Variants in CSMD3 observed in about 807,000 individuals in gnomAD.
CSMD3 encodes CUB and Sushi multiple domains 3, also known as CUB and sushi domain-containing protein 3.
CSMD3 carries 177 observed loss-of-function variants against 435.2 expected under a neutral mutation model. That is an observed-to-expected ratio of 0.41 (90% CI 0.36 to 0.46). The LOEUF (loss-of-function observed/expected upper bound fraction) is 0.46. Ranked by LOEUF, CSMD3 falls within the 20% of genes least tolerant of loss-of-function variation. The pLI, the probability that CSMD3 is intolerant of heterozygous loss-of-function variation, is 0.34. For missense variants in CSMD3, 4,265 were observed against 4,504.6 expected (o/e 0.95, Z 1.52); for synonymous variants, 1,656 against 1,520.5 (o/e 1.09, Z -2.07).
intron 24 of CSMD3, among the ~76,000 whole-genome samples, chr8:112,563,519 A>T (rs958326523): frequency 1.3e-5 from 2 of 151,924 alleles, no homozygotes; most frequent in Non-Finnish European, 2.9e-5. Context: ...TCTAGTAAGT[A>T]ATATTAAACG....
Position 112,558,678 on chromosome 8 carries a change from G to A in CSMD3, c.4043-1724C>T, listed in dbSNP as rs921725300. Reference sequence around the variant, plus strand: ...AGAGAGCTGGATAATTGGTCGGTGCGAGGAAGAAACATACATATATGGCGT... The same window carrying A: ...AGAGAGCTGGATAATTGGTCGGTGCAAGGAAGAAACATACATATATGGCGT... On this transcript the variant is annotated intron_variant, in intron 24 of 70. Coordinates refer to ENST00000297405, the MANE Select transcript of CSMD3 (RefSeq NM_198123.2). Among the ~76,000 whole-genome samples the A allele has an allele frequency of 4.6e-5, 7 of 151,968 alleles. No individual in the cohort carries two copies. The South Asian group carries it at 8.3e-4, about 18-fold the overall frequency.
rs149791066 is a variant in CSMD3 at position 112,583,316 on chromosome 8, C to A, written c.3885+3750G>T. Among the ~76,000 whole-genome samples, 3 of 138,688 alleles carry A rather than the reference C, an allele frequency of 2.2e-5. No individual in the cohort carries two copies. In the Admixed American group the frequency reaches 2.2e-4, roughly 10 times the overall value. The allele number at this position is 138,688 out of a possible 152,430, so 91.0% of individuals were successfully genotyped here. The stretch of plus-strand genomic sequence containing the variant: ...TTTTGGACTGGTGAACTTTGAAATA[C>A]ACATTAGTCATTCAAGTGGAAATAG... On this transcript the variant is annotated intron_variant, in intron 23 of 70. Transcript: ENST00000297405.
chr8:112,723,064 G>A (rs900368269), intron 13 of CSMD3, among the ~76,000 whole-genome samples: 2 of 151,066 alleles, frequency 1.3e-5, no homozygotes, highest in Admixed American at 6.6e-5. Flanking sequence ...TGTTCATTAA[G>A]GTATTGATAA....
At chr8:112,919,446 T>G (rs2130608235) in intron 10 of CSMD3, among the ~76,000 whole-genome samples, 1 of 152,002 alleles carries the variant, frequency 6.6e-6, no homozygotes, top group South Asian at 2.1e-4. Flanking sequence ...ATGAGAGTCT[T>G]GAATGAACAA....
chr8:112,335,022 A>T (rs1229910902), intron 45 of CSMD3, among the ~76,000 whole-genome samples: 1 of 152,192 alleles, frequency 6.6e-6, no homozygotes, highest in Non-Finnish European at 1.5e-5. Context: ...TCAAAATTAC[A>T]TGCACTAGAG....
chr8:112,366,746 T>A (rs1482437762), intron 38 of CSMD3, among the ~76,000 whole-genome samples: 1 of 152,132 alleles, frequency 6.6e-6, no homozygotes, highest in Non-Finnish European at 1.5e-5. Context: ...CTTCCTTTTC[T>A]TTTGTAATCT....
rs1819902913 is a variant in CSMD3 at position 112,292,814 on chromosome 8, G to C, written c.8615-104C>G. 6.2e-6 allele frequency: 6 copies of C among 973,360 alleles called. No individual in the cohort carries two copies. The East Asian group carries it at 1.5e-4, about 25-fold the overall frequency. The allele number at this position is 973,360 out of a possible 1,614,324, so 60.3% of individuals were successfully genotyped here. A position where few individuals can be genotyped will look rare whatever the true frequency, so the allele number is the denominator to read the frequency against. On this transcript the variant is annotated intron_variant, in intron 54 of 70. Coordinates refer to ENST00000297405, the MANE Select transcript of CSMD3 (RefSeq NM_198123.2). The stretch of plus-strand genomic sequence containing the variant: ...ATACTTAATCATTTCAAACAAAGTA[G>C]AAAGAAGACTACTTTTTATCTGGAA...
At chr8:112,573,350 T>G in intron 24 of CSMD3, 151 bp downstream of exon 24, 1 of 731,010 alleles carries the variant, frequency 1.4e-6, no homozygotes, top group African/African-American at 1.8e-5. Flanking sequence ...CTTACCGGGC[T>G]GTTGTTAGGG....
intron 38 of CSMD3, among the ~76,000 whole-genome samples, chr8:112,368,505 G>T (rs1828006549): frequency 6.6e-6 from 1 of 152,134 alleles, no homozygotes; most frequent in Non-Finnish European, 1.5e-5. Flanking sequence ...TTTTGCAATT[G>T]CTCTACTTGT....
intron 6 of CSMD3, among the ~76,000 whole-genome samples, chr8:112,984,025 G>C (rs372496917): frequency 1.6e-4 from 25 of 151,542 alleles, no homozygotes; most frequent in African/African-American, 5.8e-4. Context: ...TTATTTTCTC[G>C]AAAATAAATA....
At chr8:112,930,092 T>G (rs935495901) in intron 9 of CSMD3, among the ~76,000 whole-genome samples, 2 of 152,118 alleles carry the variant, frequency 1.3e-5, no homozygotes, top group African/African-American at 4.8e-5. Context: ...TGCTATATTG[T>G]TTAGGTTGGT....
chr8:113,391,821 C>T (rs1277354730), intron 1 of CSMD3, among the ~76,000 whole-genome samples: 1 of 151,356 alleles, frequency 6.6e-6, no homozygotes, highest in Middle Eastern at 3.4e-3. Flanking sequence ...ACTAGAGGGG[C>T]TAGAAGGGAA....
At chr8:112,953,629 T>C (rs919464489) in intron 8 of CSMD3, among the ~76,000 whole-genome samples, 8 of 151,420 alleles carry the variant, frequency 5.3e-5, no homozygotes, top group Non-Finnish European at 1.5e-5. Context: ...TATGACACCA[T>C]TAATATTTGA....
intron 38 of CSMD3, among the ~76,000 whole-genome samples, chr8:112,363,088 T>C (rs1481420406): frequency 6.6e-6 from 1 of 151,984 alleles, no homozygotes; most frequent in African/African-American, 2.4e-5. Flanking sequence ...ACCTTTTGTG[T>C]GCATCCTGGC....
chr8:113,284,929 A>G (rs2093635624), intron 2 of CSMD3, among the ~76,000 whole-genome samples: 1 of 152,236 alleles, frequency 6.6e-6, no homozygotes, highest in Non-Finnish European at 1.5e-5. Flanking sequence ...AAGAAATCAC[A>G]GCTCAGGAAT....
At position 112,263,768 on chromosome 8, in the gene CSMD3, C is replaced by T. The variant is rs778456956; in HGVS notation, c.9733G>A (p.Glu3245Lys). Residue 3245 changes from glutamate to lysine, a missense_variant, in exon 61 of 71, where the codon GAA becomes AAA. This residue lies in a region of CSMD3 where 3,255 missense variants were observed against 3,380.2 expected (regional missense o/e 0.96). Coordinates refer to ENST00000297405, the MANE Select transcript of CSMD3 (RefSeq NM_198123.2). Reference protein sequence around the residue: ...TPPQISNGRLEGTNFDWGFSI... With the variant: ...TPPQISNGRLKGTNFDWGFSI... ...AAGCCCCAGTCGAAATTTGTTCCTT[C>T]CAGCCTTCCATTAGAGATCTGGGGA... is the stretch of plus-strand genomic sequence containing the variant. 3.7e-6 allele frequency: 6 copies of T among 1,613,710 alleles called. No homozygotes were observed. Among genetic ancestry groups the T allele is most frequent in the East Asian group, 2.2e-5 (1 of 44,872 alleles).
intron 30 of CSMD3, among the ~76,000 whole-genome samples, chr8:112,499,256 C>T (rs934694027): frequency 6.6e-6 from 1 of 151,758 alleles, no homozygotes; most frequent in African/African-American, 2.4e-5. Context: ...TCCAAGGTAT[C>T]AAAAAACCAG....
At chr8:112,717,616 T>C (rs1235096577) in intron 13 of CSMD3, among the ~76,000 whole-genome samples, 2 of 152,164 alleles carry the variant, frequency 1.3e-5, no homozygotes, top group African/African-American at 4.8e-5. Flanking sequence ...TGAACACCTA[T>C]GTTTATTGCA....
intron 19 of CSMD3, among the ~76,000 whole-genome samples, chr8:112,645,682 G>T (rs1415352068): frequency 6.6e-6 from 1 of 151,954 alleles, no homozygotes; most frequent in Non-Finnish European, 1.5e-5. Flanking sequence ...CTGCTTCTGG[G>T]TTTCTTTATT....
Sources: gnomAD v4.1 joint callset for allele counts (sites outside exome capture counted in the v4.1 genomes callset) on GRCh38, gnomAD v4.1.1 for gene constraint, gnomAD v4.1.1 regional missense constraint, MANE v1.5 for transcripts, NCBI Gene and HGNC (gene_info 2026-07-23, HGNC 2026-07-21) for gene names.